POLN: variants seen among roughly 807,000 people sequenced by gnomAD.
POLN encodes the protein DNA polymerase N.
POLN carries 108 observed loss-of-function variants against 113.5 expected under a neutral mutation model. That is an observed-to-expected ratio of 0.95 (90% confidence interval 0.81 to 1.12). The LOEUF is 1.12. Ranked by LOEUF, POLN falls within the 50% of genes most tolerant of loss-of-function variation. The probability of loss-of-function intolerance (pLI) is 0.00; values close to 1 mark genes in which losing one functional copy is unlikely to be tolerated. For synonymous variants in POLN, 386 were observed against 391.5 expected (o/e 0.99, Z 0.17); for missense variants, 1,097 against 1,077.1 (o/e 1.02, Z -0.26).
intron 2 of POLN, among the ~76,000 whole-genome samples, chr4:2,235,826 T>C (rs1285063425): frequency 6.6e-6 from 1 of 152,124 alleles, no homozygotes; most frequent in Non-Finnish European, 1.5e-5. Flanking sequence ...TTAAGCATGG[T>C]AGTCACTCTT....
chr4:2,166,588 G>A (rs1221825770), intron 13 of POLN, among the ~76,000 whole-genome samples: 1 of 152,190 alleles, frequency 6.6e-6, no homozygotes, highest in African/African-American at 2.4e-5. Context: ...GGGAAGACCT[G>A]CGTCAATGTG....
chr4:2,240,714 T>C (rs1162448586), intron 2 of POLN: 2 of 1,614,084 alleles, frequency 1.2e-6, no homozygotes, highest in Non-Finnish European at 1.7e-6. Flanking sequence ...AAGAGCTTCA[T>C]CCAATGCCGC....
intron 3 of POLN, among the ~76,000 whole-genome samples, chr4:2,224,850 C>T (rs1478068187): frequency 1.3e-5 from 2 of 151,902 alleles, no homozygotes; most frequent in Non-Finnish European, 2.9e-5. Context: ...ACTCAGGAGG[C>T]TGAGACAGGA....
At chr4:2,114,280 A>G (rs1403680815) in intron 19 of POLN, among the ~76,000 whole-genome samples, 3 of 152,162 alleles carry the variant, frequency 2.0e-5, no homozygotes, top group African/African-American at 7.2e-5. Context: ...TAAACTATGT[A>G]AAATAAAGAT....
At chr4:2,158,769 C>T (rs1732501620) in intron 14 of POLN, among the ~76,000 whole-genome samples, 1 of 152,172 alleles carries the variant, frequency 6.6e-6, no homozygotes, top group Non-Finnish European at 1.5e-5. Flanking sequence ...AATGTAAGTG[C>T]AAGATGACAC....
At chr4:2,207,416 A>G (rs979145790) in intron 5 of POLN, among the ~76,000 whole-genome samples, 2 of 152,190 alleles carry the variant, frequency 1.3e-5, no homozygotes, top group Non-Finnish European at 2.9e-5. Flanking sequence ...ATCAAATTTA[A>G]AAATTTTGTG....
At chr4:2,219,143 G>C (rs902954658) in intron 3 of POLN, among the ~76,000 whole-genome samples, 6 of 152,240 alleles carry the variant, frequency 3.9e-5, no homozygotes, top group African/African-American at 1.4e-4. Flanking sequence ...TAACATGTGG[G>C]GACTTGGAAA....
At chr4:2,240,889 C>G in intron 2 of POLN, 2 of 1,608,212 alleles carry the variant, frequency 1.2e-6, no homozygotes, top group African/African-American at 1.3e-5. Flanking sequence ...TTAAGATTAT[C>G]AGCTTTGGGA....
chr4:2,097,194 G>A (rs1224355831), intron 19 of POLN, among the ~76,000 whole-genome samples: 1 of 152,170 alleles, frequency 6.6e-6, no homozygotes, highest in Non-Finnish European at 1.5e-5. Context: ...AGCCCTTCAG[G>A]CAGCCACCAG....
At chr4:2,162,567 C>T (rs1368846562) in intron 13 of POLN, among the ~76,000 whole-genome samples, 2 of 152,236 alleles carry the variant, frequency 1.3e-5, no homozygotes, top group Non-Finnish European at 2.9e-5. Flanking sequence ...AGCTATCCTC[C>T]TGCCTCAACC....
intron 5 of POLN, among the ~76,000 whole-genome samples, 189 bp downstream of exon 5, chr4:2,207,798 C>A (rs143975916): frequency 6.6e-6 from 1 of 152,306 alleles, no homozygotes; most frequent in East Asian, 1.9e-4. Flanking sequence ...ATGGTACACC[C>A]ACTCTGGAAA....
chr4:2,083,218 T>G (rs1292989756), intron 21 of POLN, among the ~76,000 whole-genome samples: 1 of 152,122 alleles, frequency 6.6e-6, no homozygotes, highest in African/African-American at 2.4e-5. Context: ...TCTCTCTAGC[T>G]CCCTCCTCTC....
chr4:2,146,690 C>G (rs907031290), intron 16 of POLN, among the ~76,000 whole-genome samples: 1 of 152,056 alleles, frequency 6.6e-6, no homozygotes, highest in Non-Finnish European at 1.5e-5. Context: ...AGGACATGTC[C>G]CCTGCACTGA....
chr4:2,191,500 C>T (rs1733439584), intron 7 of POLN, among the ~76,000 whole-genome samples: 2 of 151,738 alleles, frequency 1.3e-5, no homozygotes. Flanking sequence ...TCAAATATTC[C>T]CAGTATAAAG....
At chr4:2,210,046 C>G (rs1733954123) in intron 4 of POLN, among the ~76,000 whole-genome samples, 2 of 149,448 alleles carry the variant, frequency 1.3e-5, no homozygotes, top group African/African-American at 4.9e-5. Context: ...ACTATATTAA[C>G]ATTACCTTTA....
chr4:2,229,906 A>C (rs927155208), intron 2 of POLN: 1 of 152,290 alleles, frequency 6.6e-6, no homozygotes, highest in South Asian at 2.1e-4. Context: ...TAACTTGGGT[A>C]ATTACGGCAG....
chr4:2,212,928 C>CTTTTT, intron 4 of POLN, 119 bp downstream of exon 4: 1 of 455,052 alleles, frequency 2.2e-6, no homozygotes. Flanking sequence ...AAGAACGCCT[C>CTTTTT]TTTTTTTTTT....
chr4:2,236,592 C>T, intron 2 of POLN: 1 of 645,982 alleles, frequency 1.5e-6, no homozygotes, highest in Non-Finnish European at 2.7e-6. Context: ...GGTACAGTAG[C>T]TCACGCCTGT....
chr4:2,163,045 A>AAAAC (rs1553899245), intron 13 of POLN, among the ~76,000 whole-genome samples: 4 of 151,236 alleles, frequency 2.6e-5, no homozygotes, highest in African/African-American at 9.8e-5. Flanking sequence ...AAAAAAAAAA[A>AAAAC]AAAAAACTCC....
Sources: allele counts gnomAD v4.1 joint callset (sites outside exome capture counted in the v4.1 genomes callset), GRCh38; gene constraint gnomAD v4.1.1; transcripts MANE v1.5; gene names NCBI Gene and HGNC (gene_info 2026-07-23, HGNC 2026-07-21).